Variants in CCDC191 observed in about 807,000 individuals in gnomAD.
The protein encoded by CCDC191 is coiled-coil domain containing 191.
In CCDC191, 99 loss-of-function variants were observed where a neutral mutation model predicts 114.0. The ratio of observed to expected loss-of-function variants is 0.87; its 90% CI spans 0.74 to 1.03. The LOEUF (loss-of-function observed/expected upper bound fraction) is 1.03. CCDC191 is among the 50% of genes least tolerant of loss of function. CCDC191 has a pLI of 0.00. For missense variants in CCDC191, 973 were observed against 1,087.0 expected (o/e 0.90, Z 1.47); for synonymous variants, 351 against 376.0 (o/e 0.93, Z 0.77).
intron 2 of CCDC191, among the ~76,000 whole-genome samples, chr3:114,047,452 A>G (rs150517699): frequency 6.6e-6 from 1 of 152,190 alleles, no homozygotes; most frequent in Non-Finnish European, 1.5e-5. Flanking sequence ...GCCTAAGCTC[A>G]GGAGTTTGAG....
Position 114,034,961 on chromosome 3 carries a change from A to ATTT in CCDC191, c.781_782insAAA (p.Ile260_Ile261insLys), listed in dbSNP as rs1390856971. The ATTT allele has an allele frequency of 1.2e-6, 2 of 1,613,956 alleles. No homozygotes were observed. Among genetic ancestry groups the ATTT allele is most frequent in the Admixed American group, 3.3e-5 (2 of 60,002 alleles). On this transcript the variant is annotated inframe_insertion, in exon 6 of 17. Transcript: ENST00000295878. Reference sequence around the variant, plus strand: ...TGCTTTCACAGTGCGTCTCCTCTCAATTATCTCCCTCCGCAGCTTCACCAT... The same window carrying ATTT: ...TGCTTTCACAGTGCGTCTCCTCTCAATTTTTATCTCCCTCCGCAGCTTCACCAT...
intron 2 of CCDC191, among the ~76,000 whole-genome samples, chr3:114,048,986 T>C (rs985100523): frequency 6.6e-6 from 1 of 152,256 alleles, no homozygotes; most frequent in African/African-American, 2.4e-5. Flanking sequence ...CTGCCCTTTA[T>C]GGAAAGACTG....
chr3:114,030,968 G>C (rs1212712208), intron 7 of CCDC191, among the ~76,000 whole-genome samples: 1 of 152,066 alleles, frequency 6.6e-6, no homozygotes, highest in Non-Finnish European at 1.5e-5. Flanking sequence ...AATCTGCCCA[G>C]TCAGTCCTTT....
chr3:114,055,350 T>C (rs2076756262), intron 1 of CCDC191, among the ~76,000 whole-genome samples: 2 of 152,220 alleles, frequency 1.3e-5, no homozygotes, highest in African/African-American at 4.8e-5. Context: ...CTATATCCTA[T>C]CTTGGATCCA....
intron 14 of CCDC191, 44 bp from the exon 15 acceptor site, chr3:113,979,054 A>T (rs1286053570): frequency 6.4e-7 from 1 of 1,564,430 alleles, no homozygotes; most frequent in Admixed American, 1.7e-5. Flanking sequence ...TTAAATTTTA[A>T]ATCATTTAAA....
chr3:114,030,638 A>G (rs1381590976), intron 7 of CCDC191, among the ~76,000 whole-genome samples: 1 of 152,180 alleles, frequency 6.6e-6, no homozygotes, highest in Non-Finnish European at 1.5e-5. Context: ...TATCAGTTCA[A>G]AATATCACCA....
intron 7 of CCDC191, among the ~76,000 whole-genome samples, chr3:114,026,010 A>C (rs1370308683): frequency 6.6e-6 from 1 of 152,214 alleles, no homozygotes; most frequent in African/African-American, 2.4e-5. Flanking sequence ...TTAGGGGGGA[A>C]ATATTCTACT....
At chr3:114,002,650 T>C (rs1190379268) in intron 11 of CCDC191, 112 bp from the exon 12 acceptor site, 22 of 1,260,426 alleles carry the variant, frequency 1.7e-5, no homozygotes, top group Non-Finnish European at 2.2e-5. Flanking sequence ...ATTAGGGTTT[T>C]CTTGTAAGTT....
chr3:114,015,481 T>A (rs1301402994), intron 8 of CCDC191, among the ~76,000 whole-genome samples: 3 of 152,206 alleles, frequency 2.0e-5, no homozygotes, highest in Admixed American at 6.5e-5. Flanking sequence ...AAGTAGTGAT[T>A]TATGAGATTT....
intron 13 of CCDC191, among the ~76,000 whole-genome samples, chr3:113,990,271 C>T (rs1002776705): frequency 1.3e-5 from 2 of 152,020 alleles, no homozygotes. Context: ...CAATACTGAT[C>T]TCATAGACAT....
At position 113,979,054 on chromosome 3, in the gene CCDC191, A is replaced by G; in HGVS notation, c.2308-44T>C. 5 of 1,564,430 alleles carry G rather than the reference A, an allele frequency of 3.2e-6. No homozygotes were observed. The South Asian group carries it at 3.4e-5, about 11-fold the overall frequency. Reference sequence around the variant, plus strand: ...GAGAAATATTATTCCTTAAATTTTAAATCATTTAAACAAACACATCACCTT... The same window carrying G: ...GAGAAATATTATTCCTTAAATTTTAGATCATTTAAACAAACACATCACCTT... On this transcript the variant is annotated intron_variant, in intron 14 of 16. Coordinates refer to ENST00000295878, the MANE Select transcript of CCDC191 (RefSeq NM_020817.2).
At chr3:113,979,624 A>G (rs879335117) in intron 14 of CCDC191, among the ~76,000 whole-genome samples, 3 of 152,196 alleles carry the variant, frequency 2.0e-5, no homozygotes, top group South Asian at 2.1e-4. Flanking sequence ...GCAAGAGGGG[A>G]AAAGCCTTCT....
intron 12 of CCDC191, 40 bp downstream of exon 12, chr3:114,002,416 T>TCCTTCTTTTTTGA (rs1268522112): frequency 1.4e-6 from 2 of 1,417,244 alleles, no homozygotes; most frequent in Non-Finnish European, 2.0e-6. Context: ...CCTGGACAAA[T>TCCTTCTTTTTTGA]CCTTCTTTTT....
In CCDC191 at chr3:114,004,688, C is replaced by A. The variant is rs1371878776; in HGVS notation, c.1927G>T (p.Gly643Ter). Residue 643 changes from glycine to a stop codon, truncating the protein, a stop_gained, in exon 11 of 17, where the codon GGA becomes TGA. Coordinates refer to ENST00000295878, the MANE Select transcript of CCDC191 (RefSeq NM_020817.2). LOFTEE classifies it high-confidence loss of function. Reference sequence around the variant, plus strand: ...AATTGCTTTGGTTTCCTTCTGAGTCCAGAAAGAGAATTTCGGGAGTCACTT... The same window carrying A: ...AATTGCTTTGGTTTCCTTCTGAGTCAAGAAAGAGAATTTCGGGAGTCACTT... ...GRSDSRNSLSGLRRKPKQLMT... is the reference protein window; with the variant it reads ...GRSDSRNSLS 1 of 1,612,520 alleles carries A rather than the reference C, an allele frequency of 6.2e-7. No homozygotes were observed. Among genetic ancestry groups the A allele is most frequent in the Admixed American group, 1.7e-5 (1 of 59,854 alleles).
At chr3:114,005,451 C>T in intron 10 of CCDC191, 57 bp downstream of exon 10, 1 of 1,496,480 alleles carries the variant, frequency 6.7e-7, no homozygotes, top group South Asian at 1.3e-5. Context: ...AGCTCAGGAG[C>T]CCAAAGTGAA....
intron 16 of CCDC191, among the ~76,000 whole-genome samples, chr3:113,972,178 G>C (rs1940887550): frequency 6.6e-6 from 1 of 151,744 alleles, no homozygotes; most frequent in Non-Finnish European, 1.5e-5. Context: ...CTTATTTTTT[G>C]AAGTCTGTCA....
intron 13 of CCDC191, among the ~76,000 whole-genome samples, chr3:113,983,175 C>A (rs1331703664): frequency 6.6e-6 from 1 of 152,190 alleles, no homozygotes; most frequent in Non-Finnish European, 1.5e-5. Flanking sequence ...TCCCACCACT[C>A]CCCTAACAGA....
At chr3:114,046,934 G>A in intron 2 of CCDC191, 2 of 959,406 alleles carry the variant, frequency 2.1e-6, no homozygotes, top group South Asian at 4.8e-5. Flanking sequence ...ATTAATTGCA[G>A]TATTTTACCA....
chr3:114,029,000 C>G (rs1417291700), intron 7 of CCDC191, among the ~76,000 whole-genome samples: 1 of 151,380 alleles, frequency 6.6e-6, no homozygotes, highest in African/African-American at 2.4e-5. Flanking sequence ...TATTTTAGCT[C>G]TGTCTGCTGA....
Sources: gnomAD v4.1 joint callset for allele counts (sites outside exome capture counted in the v4.1 genomes callset) on GRCh38, gnomAD v4.1.1 for gene constraint, MANE v1.5 for transcripts, NCBI Gene and HGNC (gene_info 2026-07-23, HGNC 2026-07-21) for gene names.